Variants in FAM163A observed in about 807,000 individuals in gnomAD.
FAM163A encodes the protein protein FAM163A.
A neutral mutation model predicts 12.0 loss-of-function variants in FAM163A; 7 were observed. The observed-to-expected ratio is 0.58, with a 90% CI of 0.33 to 1.10. The LOEUF (loss-of-function observed/expected upper bound fraction) is 1.10, where lower values mean the gene tolerates loss of function less well. Among genes scored for constraint, FAM163A ranks in the 50% least tolerant of loss-of-function variants. The pLI is 0.03. For missense variants in FAM163A, 202 were observed against 218.6 expected (o/e 0.92, Z 0.48); for synonymous variants, 101 against 91.0 (o/e 1.11, Z -0.62).
At chr1:179,775,214 AC>A (rs1365904325) in intron 1 of FAM163A, among the ~76,000 whole-genome samples, 4 of 152,298 alleles carry the variant, frequency 2.6e-5, no homozygotes, top group Admixed American at 2.6e-4. Flanking sequence ...GCCGAAAGCA[AC>A]CAATCAGAGG....
chr1:179,741,524 C>T (rs186297605), upstream of FAM163A, among the ~76,000 whole-genome samples: 607 of 152,304 alleles, frequency 4.0e-3, 3 homozygotes, highest in Non-Finnish European at 4.1e-3. Context: ...ATGGGAAAAA[C>T]CCAAATATCT....
At chr1:179,794,585 C>G (rs1692001886) in intron 1 of FAM163A, among the ~76,000 whole-genome samples, 2 of 152,148 alleles carry the variant, frequency 1.3e-5, no homozygotes, top group Non-Finnish European at 2.9e-5. Context: ...TATAACAACA[C>G]TAATTTTAAA....
chr1:179,730,603 C>T, the FAM163A span, among the ~76,000 whole-genome samples: 2 of 152,132 alleles, frequency 1.3e-5, no homozygotes, highest in African/African-American at 4.8e-5. Flanking sequence ...TTGTTGTCAT[C>T]GGTAGAAAAT....
chr1:179,805,431 CT>C lies in FAM163A; in HGVS notation c.-135-2365del, dbSNP rs961593540. On this transcript the variant is annotated intron_variant, in intron 1 of 4. Transcript: ENST00000341785. ...TACTTGAGAGGCTGAGGCATCCTGC[CT>C]TAAAGCCAGCATTAATCGCTTTAAC... 1.2e-4 allele frequency among the ~76,000 whole-genome samples: 18 copies of C among 152,078 alleles called. No individual in the cohort carries two copies. The East Asian group carries it at 1.9e-3, about 16-fold the overall frequency.
At chr1:179,758,760 C>T (rs746258618) in intron 1 of FAM163A, among the ~76,000 whole-genome samples, 2 of 152,190 alleles carry the variant, frequency 1.3e-5, no homozygotes, top group African/African-American at 2.4e-5. Flanking sequence ...ATAACTACTT[C>T]CTGGAGTTCC....
chr1:179,747,863 C>G (rs953122217), intron 1 of FAM163A, among the ~76,000 whole-genome samples: 1 of 151,276 alleles, frequency 6.6e-6, no homozygotes, highest in Non-Finnish European at 1.5e-5. Context: ...GTTTGGATTT[C>G]CATTTCTCTT....
At chr1:179,796,756 G>A (rs1418995779) in intron 1 of FAM163A, among the ~76,000 whole-genome samples, 1 of 152,214 alleles carries the variant, frequency 6.6e-6, no homozygotes. Context: ...GGTGGACACC[G>A]TTTAGCAGAA....
chr1:179,781,894 G>C (rs1248614974), intron 1 of FAM163A, among the ~76,000 whole-genome samples: 3 of 147,490 alleles, frequency 2.0e-5, no homozygotes, highest in African/African-American at 7.5e-5. Context: ...AGATCGTGCT[G>C]CTGCACTCTA....
chr1:179,752,187 C>T (rs368764433), intron 1 of FAM163A, among the ~76,000 whole-genome samples: 49 of 152,178 alleles, frequency 3.2e-4, no homozygotes, highest in Non-Finnish European at 5.0e-4. Context: ...GCCAAGAATA[C>T]GCAAAGTGGA....
At chr1:179,737,043 A>AT in the FAM163A span, among the ~76,000 whole-genome samples, 2 of 152,212 alleles carry the variant, frequency 1.3e-5, no homozygotes, top group East Asian at 3.9e-4. Context: ...AGTATCTCAA[A>AT]GAGATACCTG....
chr1:179,780,421 T>A (rs1231574658), intron 1 of FAM163A, among the ~76,000 whole-genome samples: 1 of 152,254 alleles, frequency 6.6e-6, no homozygotes, highest in Non-Finnish European at 1.5e-5. Context: ...GACAAGACTT[T>A]AACCTTATCA....
chr1:179,766,445 T>C (rs1176481147), intron 1 of FAM163A, among the ~76,000 whole-genome samples: 1 of 152,196 alleles, frequency 6.6e-6, no homozygotes, highest in Non-Finnish European at 1.5e-5. Flanking sequence ...TCACATTAGA[T>C]CAGACCCTTT....
At chr1:179,749,239 A>T (rs1182493279) in intron 1 of FAM163A, among the ~76,000 whole-genome samples, 1 of 152,208 alleles carries the variant, frequency 6.6e-6, no homozygotes, top group African/African-American at 2.4e-5. Context: ...GGAGAGAGAG[A>T]AAAAAGGAAA....
intron 1 of FAM163A, among the ~76,000 whole-genome samples, chr1:179,799,154 C>A (rs1433020556): frequency 1.3e-5 from 2 of 152,064 alleles, no homozygotes; most frequent in African/African-American, 2.4e-5. Context: ...AGAAGTGAAA[C>A]AAGCCCTATA....
chr1:179,739,350 G>A (rs1357781483), upstream of FAM163A, among the ~76,000 whole-genome samples: 4 of 152,112 alleles, frequency 2.6e-5, no homozygotes, highest in Non-Finnish European at 4.4e-5. Context: ...TCTACAAAGT[G>A]CATGTAAAGA....
At chr1:179,751,933 A>G (rs1685332852) in intron 1 of FAM163A, among the ~76,000 whole-genome samples, 1 of 152,162 alleles carries the variant, frequency 6.6e-6, no homozygotes, top group African/African-American at 2.4e-5. Context: ...TCCCAACAGC[A>G]TTTTTCACAG....
chr1:179,762,022 C>T (rs1233509858), intron 1 of FAM163A, among the ~76,000 whole-genome samples: 2 of 152,162 alleles, frequency 1.3e-5, no homozygotes, highest in African/African-American at 4.8e-5. Context: ...CTCCACTTCC[C>T]TACTGAAAGG....
rs539851710 is a variant in FAM163A at position 179,779,020 on chromosome 1, GT to G, written c.-135-28775del. Among the ~76,000 whole-genome samples the G allele has an allele frequency of 1.3e-3, 201 of 152,292 alleles. 1 individual carries two copies. Among genetic ancestry groups the G allele is most frequent in the African/African-American group, 4.5e-3 (188 of 41,560 alleles). ...CAGAGGCTGGAGGAGCCTTCAAAAG[GT>G]TTAGGCAGGACAGAAACCTAGTTAT... On this transcript the variant is annotated intron_variant, in intron 1 of 4. Coordinates refer to ENST00000341785, the MANE Select transcript of FAM163A (RefSeq NM_173509.3).
At chr1:179,812,329 C>G (rs111786182) in intron 3 of FAM163A, among the ~76,000 whole-genome samples, 198 bp downstream of exon 3, 7 of 152,298 alleles carry the variant, frequency 4.6e-5, no homozygotes, top group African/African-American at 1.7e-4. Context: ...GAAGCCAGGA[C>G]CAGTCTCCCC....
Sources: gnomAD v4.1 joint callset for allele counts (sites outside exome capture counted in the v4.1 genomes callset) on GRCh38, gnomAD v4.1.1 for gene constraint, MANE v1.5 for transcripts, NCBI Gene and HGNC (gene_info 2026-07-23, HGNC 2026-07-21) for gene names.